BCAS3: variants seen among roughly 807,000 people sequenced by gnomAD.
BCAS3 encodes the protein BCAS3 microtubule associated cell migration factor.
In BCAS3, 53 loss-of-function variants were observed where a neutral mutation model predicts 116.1. The ratio of observed to expected loss-of-function variants is 0.46; its 90% CI spans 0.37 to 0.57. The LOEUF (loss-of-function observed/expected upper bound fraction) is 0.57. BCAS3 is among the 20% of genes least tolerant of loss of function. The pLI, the probability that BCAS3 is intolerant of heterozygous loss-of-function variation, is 0.00. For synonymous variants in BCAS3, 391 were observed against 408.2 expected, an observed-to-expected ratio of 0.96 and a Z score of 0.51; for missense variants, 917 against 1,165.4, an observed-to-expected ratio of 0.79 and a Z score of 3.10.
chr17:60,770,541 C>T (rs1242360013), intron 6 of BCAS3, among the ~76,000 whole-genome samples: 1 of 150,396 alleles, frequency 6.6e-6, no homozygotes, highest in East Asian at 2.0e-4. Flanking sequence ...GCCTCAGCCT[C>T]CCGAGTAGCT....
rs1186590979 is a variant in BCAS3 at position 61,363,556 on chromosome 17, T to C, written c.2426-4771T>C. On this transcript the variant is annotated intron_variant, in intron 22 of 23. Coordinates refer to ENST00000407086, the MANE Select transcript of BCAS3 (RefSeq NM_017679.5). This position sits in a 1 kb window ranked among gnomAD's most constrained non-coding sequence, Gnocchi z 4.9. ...TGGTGAAGTCACATAAGCTCCTCTTTTTTTTTTTTTTTTTAACTCACTCTG... is the reference window on the plus strand; with the variant it reads ...TGGTGAAGTCACATAAGCTCCTCTTCTTTTTTTTTTTTTTAACTCACTCTG... Among the ~76,000 whole-genome samples the C allele has an allele frequency of 1.3e-5, 2 of 148,860 alleles. No homozygotes were observed. Among genetic ancestry groups the C allele is most frequent in the African/African-American group, 4.9e-5 (2 of 40,682 alleles).
intron 22 of BCAS3, among the ~76,000 whole-genome samples, chr17:61,169,496 C>T (rs1007466325): frequency 2.0e-5 from 3 of 152,162 alleles, no homozygotes; most frequent in African/African-American, 7.2e-5. Context: ...TGGTCTCAAA[C>T]TCCTGGCCTT....
rs76079414 is a variant in BCAS3, at chr17:61,388,196, G to A, written c.2594-3781G>A. Reference sequence around the variant, plus strand: ...GAGGAGGGCAGCAGCCAGGAGTTGGGCCACTGAGTCAGAAGGTCCAAGGGC... The same window carrying A: ...GAGGAGGGCAGCAGCCAGGAGTTGGACCACTGAGTCAGAAGGTCCAAGGGC... On this transcript the variant is annotated intron_variant, in intron 23 of 23. Transcript: ENST00000407086. The surrounding 1 kb of genome is among the most constrained non-coding windows in gnomAD (Gnocchi z 6.5). The A allele has an allele frequency of 0.011, 1,737 of 158,974 alleles. 22 individuals carry two copies. Among genetic ancestry groups the A allele is most frequent in the African/African-American group, 0.036 (1,486 of 41,660 alleles). The allele number at this position is 158,974 out of a possible 1,614,324, so 9.8% of individuals were successfully genotyped here.
At chr17:60,764,189 A>G (rs568187553) in intron 6 of BCAS3, among the ~76,000 whole-genome samples, 3 of 145,718 alleles carry the variant, frequency 2.1e-5, no homozygotes, top group East Asian at 2.0e-4. Flanking sequence ...TTGTGTCTCT[A>G]TCTCCTTCAA....
chr17:61,184,258 T>A (rs1302065335), intron 22 of BCAS3, among the ~76,000 whole-genome samples: 1 of 152,092 alleles, frequency 6.6e-6, no homozygotes, highest in Non-Finnish European at 1.5e-5. Context: ...AAAGTAATTG[T>A]GTGCAAAATA....
intron 10 of BCAS3, chr17:60,891,616 A>G: frequency 6.7e-6 from 3 of 450,046 alleles, no homozygotes; most frequent in South Asian, 4.7e-5. Flanking sequence ...TTTCAGTGAA[A>G]ATGCTCTTTG....
In BCAS3 at chr17:61,021,023, C is replaced by T. The variant is rs895425131; in HGVS notation, c.1637+5122C>T. 7.2e-5 allele frequency among the ~76,000 whole-genome samples: 11 copies of T among 151,968 alleles called. No homozygotes were observed. Among genetic ancestry groups the T allele is most frequent in the Non-Finnish European group, 8.8e-5 (6 of 67,976 alleles). ...AATGGAAGTAGCTCCTCATTTCTTT[C>T]CCCCTCCCCATCTTTATATTTACTC... On this transcript the variant is annotated intron_variant, in intron 16 of 23. Coordinates refer to ENST00000407086, the MANE Select transcript of BCAS3 (RefSeq NM_017679.5). This position sits in a 1 kb window ranked among gnomAD's most constrained non-coding sequence, Gnocchi z 4.6.
In BCAS3 at chr17:61,126,392, T is replaced by C. The variant is rs2076047886; in HGVS notation, c.2425+41828T>C. ...AGAGCAGTGTATATGTGTCATGTTA[T>C]CGCACGTGAACCACTGCCTATGTTA... On this transcript the variant is annotated intron_variant, in intron 22 of 23. Coordinates refer to ENST00000407086, the MANE Select transcript of BCAS3 (RefSeq NM_017679.5). The surrounding 1 kb of genome is among the most constrained non-coding windows in gnomAD (Gnocchi z 4.6). Among the ~76,000 whole-genome samples, 3 of 152,222 alleles carry C rather than the reference T, an allele frequency of 2.0e-5. No individual in the cohort carries two copies. Among genetic ancestry groups the C allele is most frequent in the African/African-American group, 7.2e-5 (3 of 41,466 alleles).
At chr17:60,805,214 A>T (rs1481911796) in intron 6 of BCAS3, among the ~76,000 whole-genome samples, 1 of 152,106 alleles carries the variant, frequency 6.6e-6, no homozygotes, top group African/African-American at 2.4e-5. Context: ...GATGATCCCT[A>T]AGGAACCCAC....
Position 61,380,615 on chromosome 17 carries a change from GT to G in BCAS3, c.2594-11360del. On this transcript the variant is annotated intron_variant, in intron 23 of 23. Coordinates refer to ENST00000407086, the MANE Select transcript of BCAS3 (RefSeq NM_017679.5). This position sits in a 1 kb window ranked among gnomAD's most constrained non-coding sequence, Gnocchi z 4.2. Reference sequence around the variant, plus strand: ...TTGCCTATGTGGAAGGGGTTGTCCCGTTGCTTCTTTTGTCCCTCAAGAGGGT... The same window carrying G: ...TTGCCTATGTGGAAGGGGTTGTCCCGTGCTTCTTTTGTCCCTCAAGAGGGT... The G allele has an allele frequency of 1.3e-6, 2 of 1,570,196 alleles. No individual in the cohort carries two copies. The highest frequency in any genetic ancestry group is 1.7e-6 in the Non-Finnish European group (2 of 1,155,992).
At chr17:60,789,004 A>G (rs2046522886) in intron 6 of BCAS3, among the ~76,000 whole-genome samples, 2 of 152,174 alleles carry the variant, frequency 1.3e-5, no homozygotes, top group Admixed American at 1.3e-4. Flanking sequence ...AATCAAATCT[A>G]TCTTAAAAAT....
chr17:61,238,273 AGCGC>A (rs2083221973), intron 22 of BCAS3, among the ~76,000 whole-genome samples: 1 of 144,070 alleles, frequency 6.9e-6, no homozygotes, highest in African/African-American at 2.6e-5. Context: ...CTCAGGCTGG[AGCGC>A]AGTGGCATGA....
chr17:60,791,744 T>C (rs1285398708), intron 6 of BCAS3, among the ~76,000 whole-genome samples: 2 of 152,220 alleles, frequency 1.3e-5, no homozygotes, highest in Non-Finnish European at 2.9e-5. Context: ...TTCTTCTTCC[T>C]AAACCCGTAA....
chr17:60,911,314 A>G (rs1009121528), intron 12 of BCAS3, among the ~76,000 whole-genome samples: 1 of 151,252 alleles, frequency 6.6e-6, no homozygotes. Context: ...TTATTTATTT[A>G]TTGAGACAGA....
chr17:60,733,846 CA>C (rs1300240175), intron 5 of BCAS3, among the ~76,000 whole-genome samples: 3 of 151,626 alleles, frequency 2.0e-5, no homozygotes, highest in Non-Finnish European at 2.9e-5. Context: ...GACCTTGTCT[CA>C]AAAAAAATCA....
At chr17:61,092,899 CTTTTTT>C (rs959718467) in intron 22 of BCAS3, among the ~76,000 whole-genome samples, 1 of 79,544 alleles carries the variant, frequency 1.3e-5, no homozygotes, top group Non-Finnish European at 2.3e-5. Flanking sequence ...TTTGTCCAGT[CTTTTTT>C]TTTTTTTTTT....
chr17:61,040,302 A>G (rs1157159149), intron 18 of BCAS3, among the ~76,000 whole-genome samples: 2 of 152,212 alleles, frequency 1.3e-5, no homozygotes, highest in African/African-American at 2.4e-5. Context: ...AAGTTACTAC[A>G]CTATCATTGT....
intron 22 of BCAS3, among the ~76,000 whole-genome samples, chr17:61,357,605 G>A (rs957112218): frequency 3.4e-5 from 5 of 149,218 alleles, no homozygotes; most frequent in South Asian, 2.1e-4. Flanking sequence ...CACCACACCC[G>A]GCTAATGTTT....
At chr17:61,386,784 T>G (rs200868195) in intron 23 of BCAS3, among the ~76,000 whole-genome samples, 1 of 122,226 alleles carries the variant, frequency 8.2e-6, no homozygotes, top group African/African-American at 2.9e-5. Context: ...TTTTTTTTTG[T>G]TTTTGTTTTT....
Sources: allele counts gnomAD v4.1 joint callset (sites outside exome capture counted in the v4.1 genomes callset), GRCh38; gene constraint gnomAD v4.1.1; non-coding constraint Gnocchi (gnomAD v3.1); transcripts MANE v1.5; gene names NCBI Gene and HGNC (gene_info 2026-07-23, HGNC 2026-07-21).